TBCD: variants seen among roughly 807,000 people sequenced by gnomAD.
The protein encoded by TBCD is tubulin folding cofactor D, also known as tubulin-specific chaperone D.
A neutral mutation model predicts 169.3 loss-of-function variants in TBCD; 105 were observed. That is an observed-to-expected ratio of 0.62 (90% CI 0.53 to 0.73). The LOEUF (loss-of-function observed/expected upper bound fraction) is 0.73, where lower values mean the gene tolerates loss of function less well. Ranked by LOEUF, TBCD falls within the 30% of genes least tolerant of loss-of-function variation. The probability of loss-of-function intolerance (pLI) is 0.00; values close to 1 mark genes in which losing one functional copy is unlikely to be tolerated. For synonymous variants in TBCD, 700 were observed against 643.9 expected (o/e 1.09, Z -1.32); for missense variants, 1,444 against 1,600.1 (o/e 0.90, Z 1.66).
At chr17:82,800,740 G>C (rs1405031164) in intron 8 of TBCD, 124 bp from the exon 9 acceptor site, 4 of 1,166,632 alleles carry the variant, frequency 3.4e-6, no homozygotes, top group Non-Finnish European at 4.7e-6. Flanking sequence ...GGATGATGGG[G>C]GTCTTGGTGA....
At chr17:82,841,288 C>T (rs986894195) in intron 13 of TBCD, among the ~76,000 whole-genome samples, 2 of 151,728 alleles carry the variant, frequency 1.3e-5, no homozygotes, top group Non-Finnish European at 1.5e-5. Flanking sequence ...TAAGATTTTA[C>T]ATGGCTTTGC....
At chr17:82,752,479 C>G (rs1393690562) in intron 1 of TBCD, 102 bp downstream of exon 1, 2 of 967,800 alleles carry the variant, frequency 2.1e-6, no homozygotes, top group African/African-American at 3.5e-5. Context: ...GCGCCGGCCG[C>G]TCTGCGAGGG....
chr17:82,867,856 T>C (rs1289836585), intron 13 of TBCD, among the ~76,000 whole-genome samples: 2 of 152,212 alleles, frequency 1.3e-5, no homozygotes, highest in African/African-American at 4.8e-5. Context: ...AGCCCTGGCC[T>C]TTACCCTCAG....
intron 17 of TBCD, among the ~76,000 whole-genome samples, chr17:82,899,275 C>T (rs1314808323): frequency 1.5e-4 from 22 of 149,974 alleles, no homozygotes; most frequent in Admixed American, 2.6e-4. Flanking sequence ...GTGTCCTCAG[C>T]GCGTGTGTCC....
At chr17:82,813,167 A>G (rs1180293449) in intron 12 of TBCD, among the ~76,000 whole-genome samples, 2 of 152,080 alleles carry the variant, frequency 1.3e-5, no homozygotes, top group Non-Finnish European at 2.9e-5. Flanking sequence ...TACTTGTCAC[A>G]CTTTAACACC....
chr17:82,941,349 G>A (rs1486883287), intron 37 of TBCD, 50 bp from the exon 38 acceptor site: 1 of 1,507,350 alleles, frequency 6.6e-7, no homozygotes. Flanking sequence ...GCACACCTGA[G>A]GTTCTCCGGT....
At position 82,789,965 on chromosome 17, in the gene TBCD, C is replaced by G. The variant is rs898276812; in HGVS notation, c.772-7792C>G. On this transcript the variant is annotated intron_variant, in intron 7 of 38. Transcript: ENST00000355528. The surrounding 1 kb of genome is among the most constrained non-coding windows in gnomAD (Gnocchi z 4.8). ...GGGCTCATCCCCGAGACGCCGTGTT[C>G]CCTCCCGCTGTCCGCTCACACCTGC... Among the ~76,000 whole-genome samples the G allele has an allele frequency of 6.6e-6, 1 of 152,224 alleles. No individual in the cohort carries two copies. Among genetic ancestry groups the G allele is most frequent in the Non-Finnish European group, 1.5e-5 (1 of 68,040 alleles).
At chr17:82,815,226 C>A (rs1480464068) in intron 13 of TBCD, among the ~76,000 whole-genome samples, 1 of 152,204 alleles carries the variant, frequency 6.6e-6, no homozygotes. Context: ...ATTTTAATGC[C>A]ACAGATTACC....
rs375899767 is a variant in TBCD, at chr17:82,930,573, G to T, written c.3043G>T (p.Asp1015Tyr). The T allele has an allele frequency of 1.2e-6, 2 of 1,613,802 alleles. No homozygotes were observed. The highest frequency in any genetic ancestry group is 2.7e-5 in the African/African-American group (2 of 74,916). Residue 1015 changes from aspartate to tyrosine, a missense_variant, in exon 33 of 39, where the codon GAC becomes TAC. Coordinates refer to ENST00000355528, the MANE Select transcript of TBCD (RefSeq NM_005993.5). The surrounding 1 kb of genome is among the most constrained non-coding windows in gnomAD (Gnocchi z 5.2). ...TGAGTACATGAAGGGCATTCAGAGC[G>T]ACCCGCAGGCCCTGGGCAGCTTCAG... ...LFEYMKGIQS[D>Y]PQALGSFSGT...
chr17:82,752,985 C>T (rs1035415600), intron 1 of TBCD, among the ~76,000 whole-genome samples: 4 of 152,082 alleles, frequency 2.6e-5, no homozygotes, highest in Admixed American at 2.0e-4. Context: ...GTGTAGGTAC[C>T]CCTGTGGAGG....
intron 23 of TBCD, among the ~76,000 whole-genome samples, chr17:82,917,019 C>CTTTTTTTTTTTTTTTT (rs59331670): frequency 3.5e-4 from 38 of 108,492 alleles, no homozygotes; most frequent in African/African-American, 4.8e-4. Flanking sequence ...TTTTTCTTTT[C>CTTTTTTTTTTTTTTTT]TTTTCTTTTT....
At chr17:82,858,752 C>A in intron 13 of TBCD, 1 of 721,458 alleles carries the variant, frequency 1.4e-6, no homozygotes, top group Non-Finnish European at 1.7e-6. Flanking sequence ...GTGTGAAGGG[C>A]CTGTCGGTGT....
At chr17:82,886,454 G>A (rs953628322) in intron 15 of TBCD, among the ~76,000 whole-genome samples, 3 of 151,730 alleles carry the variant, frequency 2.0e-5, no homozygotes, top group Non-Finnish European at 2.9e-5. Flanking sequence ...GTGGCTTCTT[G>A]TTCATCATGA....
At chr17:82,781,541 G>A in intron 6 of TBCD, 48 bp from the exon 7 acceptor site, 8 of 1,606,370 alleles carry the variant, frequency 5.0e-6, no homozygotes, top group Non-Finnish European at 5.9e-6. Flanking sequence ...TGAGGCGTGG[G>A]CGAGGTCTCA....
At chr17:82,819,397 C>T (rs1887569071) in intron 13 of TBCD, among the ~76,000 whole-genome samples, 1 of 152,248 alleles carries the variant, frequency 6.6e-6, no homozygotes, top group South Asian at 2.1e-4. Flanking sequence ...ACAGTGCACA[C>T]ACACACAGAA....
intron 13 of TBCD, chr17:82,830,469 G>A (rs368809578): frequency 8.7e-6 from 14 of 1,612,748 alleles, no homozygotes; most frequent in Non-Finnish European, 1.2e-5. Flanking sequence ...GAGCCTCCTC[G>A]CCGGGGCCTG....
chr17:82,776,389 A>G (rs761129258), intron 6 of TBCD, among the ~76,000 whole-genome samples: 45 of 152,318 alleles, frequency 3.0e-4, no homozygotes, highest in Non-Finnish European at 6.0e-4. Flanking sequence ...AGCCTGCACA[A>G]CAGAGCAAGA....
rs2058594946 is a variant in TBCD at position 82,884,540 on chromosome 17, G to A, written c.1533+338G>A. On this transcript the variant is annotated intron_variant, in intron 15 of 38. Transcript: ENST00000355528. This position sits in a 1 kb window ranked among gnomAD's most constrained non-coding sequence, Gnocchi z 4.2. ...CGCAGAAGAGAGTGGGTTCTGCGAG[G>A]GTGGCCAGAATGTGGCGGCGGGACG... 6.6e-6 allele frequency among the ~76,000 whole-genome samples: 1 copy of A among 152,220 alleles called. No individual in the cohort carries two copies.
At position 82,831,138 on chromosome 17, in the gene TBCD, G is replaced by A. The variant is rs759737964; in HGVS notation, c.1318+16204G>A. ...GCGGGTAGAGTCTTCCCAGTGCGCT[G>A]GAGGCTGCCTTGTTGGAGAGGTCGT... On this transcript the variant is annotated intron_variant, in intron 13 of 38. Coordinates refer to ENST00000355528, the MANE Select transcript of TBCD (RefSeq NM_005993.5). The surrounding 1 kb of genome is among the most constrained non-coding windows in gnomAD (Gnocchi z 4.6). 1.2e-6 allele frequency: 2 copies of A among 1,614,200 alleles called. No homozygotes were observed. The highest frequency in any genetic ancestry group is 1.7e-6 in the Non-Finnish European group (2 of 1,180,044).
Sources: allele counts gnomAD v4.1 joint callset (sites outside exome capture counted in the v4.1 genomes callset), GRCh38; gene constraint gnomAD v4.1.1; non-coding constraint Gnocchi (gnomAD v3.1); transcripts MANE v1.5; gene names NCBI Gene and HGNC (gene_info 2026-07-23, HGNC 2026-07-21).